Variants in HTR4 observed in about 807,000 individuals in gnomAD.
HTR4 encodes 5-hydroxytryptamine (serotonin) receptor 4, G protein-coupled.
In HTR4, 16 loss-of-function variants were observed where a neutral mutation model predicts 36.8. That is an observed-to-expected ratio of 0.43 (90% CI 0.29 to 0.66). The LOEUF (loss-of-function observed/expected upper bound fraction) is 0.66, where lower values mean the gene tolerates loss of function less well. HTR4 is among the 30% of genes least tolerant of loss of function. The pLI is 0.13. For synonymous variants in HTR4, 189 were observed against 185.1 expected (o/e 1.02, Z -0.17); for missense variants, 438 against 490.9 (o/e 0.89, Z 1.02).
At chr5:148,481,092 T>C (rs906016243), downstream of HTR4, among the ~76,000 whole-genome samples, 9 of 152,118 alleles carry the variant, frequency 5.9e-5, no homozygotes, top group African/African-American at 1.7e-4. Flanking sequence ...ATGCAGGCAA[T>C]GGGTGGGTGT....
chr5:148,491,891 C>T (rs965203552), intron 6 of HTR4, among the ~76,000 whole-genome samples: 1 of 152,140 alleles, frequency 6.6e-6, no homozygotes, highest in Non-Finnish European at 1.5e-5. Flanking sequence ...ACTCAAGCTC[C>T]TAAAATAAAT....
intron 4 of HTR4, among the ~76,000 whole-genome samples, chr5:148,544,099 A>C (rs1397086217): frequency 6.6e-6 from 1 of 152,196 alleles, no homozygotes; most frequent in Non-Finnish European, 1.5e-5. Context: ...TGTGTATTAC[A>C]GAAATTAGTA....
chr5:148,534,089 A>G (rs572151973), intron 4 of HTR4, among the ~76,000 whole-genome samples: 95 of 152,346 alleles, frequency 6.2e-4, no homozygotes, highest in African/African-American at 2.2e-3. Context: ...TCTAGTAATC[A>G]TACATTGTCG....
chr5:148,491,099 T>G (rs1354336990), intron 6 of HTR4, among the ~76,000 whole-genome samples: 1 of 152,184 alleles, frequency 6.6e-6, no homozygotes, highest in African/African-American at 2.4e-5. Flanking sequence ...GGTTTTCCAA[T>G]GGGTATCTCA....
intron 2 of HTR4, among the ~76,000 whole-genome samples, chr5:148,559,786 T>A (rs1355265994): frequency 6.6e-6 from 1 of 152,088 alleles, no homozygotes; most frequent in Non-Finnish European, 1.5e-5. Flanking sequence ...AGCAATTACG[T>A]AAGATGCCTC....
chr5:148,451,312 A>G (rs1199459381), intron 5 of HTR4: 2 of 1,612,796 alleles, frequency 1.2e-6, no homozygotes, highest in East Asian at 2.2e-5. Context: ...TTCAACAGGC[A>G]TGCTCCAACT....
rs78949319 is a variant in HTR4, at chr5:148,648,301, G to A, written c.-48+5761C>T. Among the ~76,000 whole-genome samples the A allele has an allele frequency of 3.9e-3, 586 of 152,070 alleles. 4 individuals carry two copies. The highest frequency in any genetic ancestry group is 0.012 in the African/African-American group (498 of 41,342). ...GATCTACTGTGCAGGTAGAAGATGG[G>A]ATACAATCTGTGAGTTAGAGTCGTG... On this transcript the variant is annotated intron_variant, in intron 1 of 6. Transcript: ENST00000377888.
At chr5:148,457,861 AT>A (rs1324557056) in intron 5 of HTR4, among the ~76,000 whole-genome samples, 5 of 139,898 alleles carry the variant, frequency 3.6e-5, no homozygotes, top group Non-Finnish European at 7.6e-5. Context: ...AATATCATAT[AT>A]TTTGATATAT....
intron 5 of HTR4, among the ~76,000 whole-genome samples, chr5:148,513,266 A>G (rs1195437472): frequency 6.6e-6 from 1 of 152,194 alleles, no homozygotes; most frequent in Non-Finnish European, 1.5e-5. Flanking sequence ...CTGGGATTAC[A>G]GGCCTGAGCC....
chr5:148,642,397 A>G (rs7713281), intron 1 of HTR4, among the ~76,000 whole-genome samples: 6,635 of 152,262 alleles, frequency 0.044, 471 homozygotes, highest in African/African-American at 0.15. Flanking sequence ...ATGTCAAGTA[A>G]TTAGAACTTC....
intron 2 of HTR4, among the ~76,000 whole-genome samples, chr5:148,565,594 T>G (rs1561622952): frequency 1.6e-4 from 24 of 152,202 alleles, no homozygotes; most frequent in African/African-American, 4.3e-4. Context: ...AGTATCTTGA[T>G]GGGCATAAGG....
chr5:148,467,389 C>T (rs1047593578), intron 5 of HTR4, among the ~76,000 whole-genome samples: 1 of 151,992 alleles, frequency 6.6e-6, no homozygotes, highest in African/African-American at 2.4e-5. Flanking sequence ...TTTTTGGATG[C>T]AACCCTTAAG....
chr5:148,481,566 G>T lies in HTR4; in HGVS notation c.*1637C>A. The T allele has an allele frequency of 6.6e-7, 1 of 1,526,620 alleles. No individual in the cohort carries two copies. Among genetic ancestry groups the T allele is most frequent in the Non-Finnish European group, 8.7e-7 (1 of 1,144,524 alleles). The allele number at this position is 1,526,620 out of a possible 1,614,324, so 94.6% of individuals were successfully genotyped here. On this transcript the variant is annotated 3_prime_UTR_variant, in exon 7 of 7. Transcript: ENST00000377888. ...TTTTTCTTTTTCTTTTTGGCATTTG[G>T]ATGGTTTGGTCAATCTTCTCTTCCT...
chr5:148,477,961 C>T (rs958316155), downstream of HTR4, among the ~76,000 whole-genome samples: 1 of 152,164 alleles, frequency 6.6e-6, no homozygotes, highest in African/African-American at 2.4e-5. Flanking sequence ...TCTAAAACAC[C>T]CCCTTGCCCA....
chr5:148,492,678 G>A (rs1009877929), intron 6 of HTR4, among the ~76,000 whole-genome samples: 1 of 152,226 alleles, frequency 6.6e-6, no homozygotes, highest in Non-Finnish European at 1.5e-5. Context: ...TCCCTGAACG[G>A]ATGTTATCAA....
intron 2 of HTR4, among the ~76,000 whole-genome samples, chr5:148,574,390 GCTCT>G (rs137966163): frequency 1.7e-4 from 25 of 148,574 alleles, no homozygotes; most frequent in South Asian, 6.5e-4. Context: ...GCTCTCGCGC[GCTCT>G]CTCTCTCTCT....
intron 5 of HTR4, among the ~76,000 whole-genome samples, chr5:148,514,444 G>A (rs1356862293): frequency 6.6e-6 from 1 of 151,908 alleles, no homozygotes; most frequent in Non-Finnish European, 1.5e-5. Flanking sequence ...ATTTGTACTG[G>A]ACCCTGTGAC....
intron 2 of HTR4, among the ~76,000 whole-genome samples, chr5:148,615,531 G>C (rs1752629792): frequency 8.5e-6 from 1 of 116,990 alleles, no homozygotes; most frequent in African/African-American, 3.2e-5. Context: ...GGACTGTTGT[G>C]GGGTGGGGGG....
At position 148,543,229 on chromosome 5, in the gene HTR4, G is replaced by A. The variant is rs79325243; in HGVS notation, c.353+5439C>T. ...CTGATGGACAGCATAGGGACAAAGA[G>A]GGACAGATAGAAAGAGAGGAATAGA... On this transcript the variant is annotated intron_variant, in intron 4 of 6. Coordinates refer to ENST00000377888, the MANE Select transcript of HTR4 (RefSeq NM_000870.7). Among the ~76,000 whole-genome samples, 853 of 152,304 alleles carry A rather than the reference G, an allele frequency of 5.6e-3. 3 individuals are homozygous for A. Among genetic ancestry groups the A allele is most frequent in the African/African-American group, 0.019 (802 of 41,550 alleles).
Sources: gnomAD v4.1 joint callset for allele counts (sites outside exome capture counted in the v4.1 genomes callset) on GRCh38, gnomAD v4.1.1 for gene constraint, MANE v1.5 for transcripts, NCBI Gene and HGNC (gene_info 2026-07-23, HGNC 2026-07-21) for gene names.